Variants in RDX observed in about 807,000 individuals in gnomAD.
RDX encodes the protein radixin, also known as deafness, autosomal recessive 24.
In RDX, 32 loss-of-function variants were observed where a neutral mutation model predicts 83.7. That is an observed-to-expected ratio of 0.38 (90% CI 0.29 to 0.51). The LOEUF is 0.51. Ranked by LOEUF, RDX falls within the 20% of genes least tolerant of loss-of-function variation. RDX has a pLI of 0.87. For missense variants in RDX, 600 were observed against 689.9 expected, an observed-to-expected ratio of 0.87 and a Z score of 1.46; for synonymous variants, 229 against 222.7, an observed-to-expected ratio of 1.03 and a Z score of -0.25.
chr11:110,269,855 T>C (rs566965186), intron 3 of RDX, among the ~76,000 whole-genome samples: 8 of 151,822 alleles, frequency 5.3e-5, no homozygotes, highest in Non-Finnish European at 1.2e-4. Context: ...CTGGGAAACA[T>C]GACGAAACCC....
At chr11:110,281,934 C>G (rs1195180559) in intron 1 of RDX, among the ~76,000 whole-genome samples, 1 of 102,676 alleles carries the variant, frequency 9.7e-6, no homozygotes, top group Admixed American at 1.0e-4. Context: ...AACCCCATCT[C>G]TATCAAAAAA....
Position 110,237,385 on chromosome 11 carries a change from C to A in RDX, c.1251+107G>T. On this transcript the variant is annotated intron_variant, in intron 11 of 13. Transcript: ENST00000645495. Reference sequence around the variant, plus strand: ...TTATTAAGTTACATGTTATCTTTGGCTTGCTCTCCAGAAAGCACAAAATGG... The same window carrying A: ...TTATTAAGTTACATGTTATCTTTGGATTGCTCTCCAGAAAGCACAAAATGG... 3 of 1,026,746 alleles carry A rather than the reference C, an allele frequency of 2.9e-6. 1 individual carries two copies. Among genetic ancestry groups the A allele is most frequent in the South Asian group, 3.1e-5 (2 of 65,526 alleles). The allele number at this position is 1,026,746 out of a possible 1,614,324, so 63.6% of individuals were successfully genotyped here.
At chr11:110,272,239 C>T (rs1213358766) in intron 3 of RDX, among the ~76,000 whole-genome samples, 1 of 152,238 alleles carries the variant, frequency 6.6e-6, no homozygotes, top group African/African-American at 2.4e-5. Flanking sequence ...TTTCACTCAA[C>T]AACTTTGTGG....
In RDX at chr11:110,220,366, T is replaced by C. The variant is rs376718460; in HGVS notation, c.1748+11507A>G. On this transcript the variant is annotated intron_variant, in intron 14 of 15. Transcript: ENST00000528498. ...ACACTCACAAGATTAATAGTGTTAC[T>C]TCTGTTTGATGAGACAACTCAGGCT... 9.0e-4 allele frequency among the ~76,000 whole-genome samples: 137 copies of C among 152,322 alleles called. 1 individual carries two copies. Among genetic ancestry groups the C allele is most frequent in the African/African-American group, 3.1e-3 (127 of 41,576 alleles).
intron 15 of RDX, among the ~76,000 whole-genome samples, chr11:110,180,147 C>T (rs1214508030): frequency 6.6e-6 from 1 of 152,096 alleles, no homozygotes; most frequent in Non-Finnish European, 1.5e-5. Context: ...AGTGATCTAC[C>T]TGCCTTGGCC....
chr11:110,244,844 CTG>C (rs1375691412), intron 10 of RDX, among the ~76,000 whole-genome samples: 1 of 152,048 alleles, frequency 6.6e-6, no homozygotes, highest in East Asian at 1.9e-4. Flanking sequence ...GAAAAGGAGA[CTG>C]TGTGAGGGCA....
intron 14 of RDX, among the ~76,000 whole-genome samples, chr11:110,215,630 CAGT>C (rs957367106): frequency 5.9e-5 from 9 of 152,152 alleles, no homozygotes; most frequent in African/African-American, 2.2e-4. Flanking sequence ...AGATTTAAAG[CAGT>C]CTTCTTTGGC....
chr11:110,265,003 C>T, intron 3 of RDX, 129 bp from the exon 4 acceptor site: 1 of 561,126 alleles, frequency 1.8e-6, no homozygotes, highest in Admixed American at 3.0e-5. Context: ...ATAGAAAAGG[C>T]TTTCCCTAAA....
intron 15 of RDX, among the ~76,000 whole-genome samples, chr11:110,198,783 T>A (rs1179454513): frequency 6.6e-6 from 1 of 151,774 alleles, no homozygotes; most frequent in Non-Finnish European, 1.5e-5. Flanking sequence ...TCAATGTGCA[T>A]GTACAAAACT....
At chr11:110,263,012 C>G (rs9651677) in intron 5 of RDX, among the ~76,000 whole-genome samples, 5,899 of 152,210 alleles carry the variant, frequency 0.039, 385 homozygotes, top group African/African-American at 0.13. Flanking sequence ...CAGTGGCTCA[C>G]GCCTGTAATC....
At chr11:110,269,031 G>A (rs977242214) in intron 3 of RDX, among the ~76,000 whole-genome samples, 5 of 150,980 alleles carry the variant, frequency 3.3e-5, no homozygotes, top group Non-Finnish European at 5.9e-5. Flanking sequence ...AGTGCAGACC[G>A]CAACCTCTAC....
intron 7 of RDX, among the ~76,000 whole-genome samples, chr11:110,256,233 GA>G (rs1439622071): frequency 6.6e-6 from 1 of 152,134 alleles, no homozygotes; most frequent in Non-Finnish European, 1.5e-5. Context: ...AACACAGCAT[GA>G]ATTTTTACCT....
chr11:110,240,132 T>G (rs1325383474), intron 10 of RDX, among the ~76,000 whole-genome samples: 1 of 152,170 alleles, frequency 6.6e-6, no homozygotes, highest in African/African-American at 2.4e-5. Context: ...CTATTCACAA[T>G]GGCCAAAACA....
At chr11:110,257,424 G>T (rs1222087109) in intron 7 of RDX, among the ~76,000 whole-genome samples, 1 of 151,926 alleles carries the variant, frequency 6.6e-6, no homozygotes, top group Non-Finnish European at 1.5e-5. Context: ...CAATCTATTT[G>T]TCAAGCATAA....
intron 15 of RDX, among the ~76,000 whole-genome samples, chr11:110,183,855 C>T (rs536180359): frequency 3.9e-5 from 6 of 152,216 alleles, no homozygotes; most frequent in South Asian, 2.1e-4. Flanking sequence ...GCAAGACCTA[C>T]GCCAGCTGAA....
downstream of RDX, among the ~76,000 whole-genome samples, chr11:110,224,659 C>A (rs1362388821): frequency 6.6e-6 from 1 of 152,182 alleles, no homozygotes; most frequent in Non-Finnish European, 1.5e-5. Context: ...AGAAAAGAAA[C>A]TGAGCTTTTA....
downstream of RDX, among the ~76,000 whole-genome samples, chr11:110,226,399 C>T (rs1864437201): frequency 6.6e-6 from 1 of 152,116 alleles, no homozygotes; most frequent in Non-Finnish European, 1.5e-5. Flanking sequence ...TGTATGAGTT[C>T]ACTTTTATGA....
intron 14 of RDX, among the ~76,000 whole-genome samples, chr11:110,215,494 TG>T (rs1463598460): frequency 6.6e-6 from 1 of 152,164 alleles, no homozygotes; most frequent in African/African-American, 2.4e-5. Flanking sequence ...GACCTCATCT[TG>T]AAAACAGGAG....
chr11:110,206,597 C>T (rs1298256046), intron 14 of RDX, among the ~76,000 whole-genome samples: 4 of 152,330 alleles, frequency 2.6e-5, no homozygotes, highest in African/African-American at 9.6e-5. Flanking sequence ...CAAACTGATA[C>T]ATGAGTATCT....
Sources: gnomAD v4.1 joint callset for allele counts (sites outside exome capture counted in the v4.1 genomes callset) on GRCh38, gnomAD v4.1.1 for gene constraint, MANE v1.5 for transcripts, NCBI Gene and HGNC (gene_info 2026-07-23, HGNC 2026-07-21) for gene names.